Variants in CSTL1 observed in about 807,000 individuals in gnomAD.
The protein encoded by CSTL1 is cystatin like 1, also known as cystatin-like 1.
CSTL1 carries 14 observed loss-of-function variants against 14.4 expected under a neutral mutation model. The observed-to-expected ratio is 0.97, with a 90% CI of 0.64 to 1.52. CSTL1 has a LOEUF of 1.52. Ranked by LOEUF, CSTL1 falls within the 40% of genes most tolerant of loss-of-function variation. The pLI is 0.00. For synonymous variants in CSTL1, 72 were observed against 67.5 expected, an observed-to-expected ratio of 1.07 and a Z score of -0.33; for missense variants, 170 against 168.7, an observed-to-expected ratio of 1.01 and a Z score of -0.04.
At position 23,444,082 on chromosome 20, in the gene CSTL1, T is replaced by C. The variant is rs368644310; in HGVS notation, c.330+38T>C. 2.6e-6 allele frequency: 4 copies of C among 1,563,140 alleles called. No homozygotes were observed. The South Asian group carries it at 3.3e-5, about 13-fold the overall frequency. On this transcript the variant is annotated intron_variant, in intron 3 of 3. Coordinates refer to ENST00000347397, the MANE Select transcript of CSTL1 (RefSeq NM_138283.1). ...AGTCATCCCAAAGGGACTTGTGAAG[T>C]GAATATTTTAAAAAGCAACAGCTAG...
intron 2 of CSTL1, among the ~76,000 whole-genome samples, chr20:23,441,405 C>G (rs117846268): frequency 0.012 from 1,826 of 152,176 alleles, 20 homozygotes; most frequent in Non-Finnish European, 0.016. Flanking sequence ...GTTAGGGAAC[C>G]CCTTTTATTG....
chr20:23,446,502 C>T (rs771408481), downstream of CSTL1, among the ~76,000 whole-genome samples: 3 of 152,072 alleles, frequency 2.0e-5, no homozygotes, highest in East Asian at 1.9e-4. Context: ...GTGATCCACC[C>T]GCCTCCGCCT....
chr20:23,446,647 C>A (rs961867354), downstream of CSTL1, among the ~76,000 whole-genome samples: 3 of 152,212 alleles, frequency 2.0e-5, no homozygotes, highest in African/African-American at 7.2e-5. Context: ...GTTCTGATGG[C>A]TGCTTAAATA....
downstream of CSTL1, among the ~76,000 whole-genome samples, chr20:23,446,922 G>T (rs564095730): frequency 9.9e-5 from 15 of 152,148 alleles, no homozygotes; most frequent in Admixed American, 7.2e-4. Context: ...TGGAGGAAGA[G>T]AGTTAAAGGA....
At chr20:23,444,290 C>T (rs757398072) in intron 3 of CSTL1, among the ~76,000 whole-genome samples, 1 of 152,226 alleles carries the variant, frequency 6.6e-6, no homozygotes, top group African/African-American at 2.4e-5. Flanking sequence ...CCCAGACCCT[C>T]TGCGTGAAAG....
the CSTL1 span, among the ~76,000 whole-genome samples, chr20:23,458,269 T>C: frequency 1.3e-5 from 2 of 152,188 alleles, no homozygotes; most frequent in African/African-American, 4.8e-5. Context: ...TGCCCAAAGT[T>C]CCTGCAGCCA....
downstream of CSTL1, among the ~76,000 whole-genome samples, chr20:23,449,001 G>A (rs1292881971): frequency 6.6e-6 from 1 of 152,190 alleles, no homozygotes. Context: ...CCTGGGCCCC[G>A]CTGAAACAGG....
chr20:23,449,082 A>T (rs543836170), downstream of CSTL1, among the ~76,000 whole-genome samples: 4 of 152,342 alleles, frequency 2.6e-5, no homozygotes, highest in East Asian at 7.7e-4. Context: ...TTTCAAAGCC[A>T]ATCCCATCTT....
At chr20:23,457,210 T>C in the CSTL1 span, among the ~76,000 whole-genome samples, 5 of 152,080 alleles carry the variant, frequency 3.3e-5, no homozygotes, top group South Asian at 8.3e-4. Context: ...CTCTGGACCA[T>C]CTCAACCCAG....
the CSTL1 span, among the ~76,000 whole-genome samples, chr20:23,459,956 A>C: frequency 6.6e-6 from 1 of 152,190 alleles, no homozygotes; most frequent in Non-Finnish European, 1.5e-5. Context: ...TGAGGTCTTC[A>C]ACTGGTTCCC....
Position 23,444,926 on chromosome 20 carries a change from G to C in CSTL1, c.*48G>C, listed in dbSNP as rs750974663. On this transcript the variant is annotated 3_prime_UTR_variant, in exon 4 of 4. Transcript: ENST00000347397. The stretch of plus-strand genomic sequence containing the variant: ...CACTGGCTGTTATTAAACTGTAAAG[G>C]ATCATGTCTCCCTCATTGGGGTCTT... 4.7e-6 allele frequency: 6 copies of C among 1,272,512 alleles called. No individual in the cohort carries two copies. The South Asian group carries it at 7.2e-5, about 15-fold the overall frequency. 78.8% of individuals were successfully genotyped at this position (1,272,512 alleles called of 1,614,324 possible). A position where few individuals can be genotyped will look rare whatever the true frequency, so the allele number is the denominator to read the frequency against.
At chr20:23,456,412 C>T in the CSTL1 span, among the ~76,000 whole-genome samples, 1 of 152,220 alleles carries the variant, frequency 6.6e-6, no homozygotes, top group Admixed American at 6.5e-5. Flanking sequence ...TCTTCCATCT[C>T]ACCAGCCATG....
the CSTL1 span, among the ~76,000 whole-genome samples, chr20:23,451,269 T>A: frequency 1.3e-5 from 2 of 149,510 alleles, no homozygotes; most frequent in Admixed American, 6.6e-5. Flanking sequence ...TGAAGGCCTG[T>A]TGGAGCTGGA....
At chr20:23,446,287 C>T (rs543529874), downstream of CSTL1, among the ~76,000 whole-genome samples, 6 of 151,092 alleles carry the variant, frequency 4.0e-5, no homozygotes, top group Middle Eastern at 3.4e-3. Context: ...GACGAAGTCT[C>T]GCTCTGTCGC....
At chr20:23,457,167 G>A in the CSTL1 span, among the ~76,000 whole-genome samples, 1 of 152,128 alleles carries the variant, frequency 6.6e-6, no homozygotes, top group African/African-American at 2.4e-5. Flanking sequence ...GTGGAGCCCT[G>A]TTGACATCCC....
rs1449651989 is a variant in CSTL1, at chr20:23,440,292, C to G, written c.25C>G (p.Pro9Ala). Reference protein sequence around the residue: MGIGCWRNPLLLLIALVLS... With the variant: MGIGCWRNALLLLIALVLS... ...CATGGGGATCGGATGCTGGAGAAAC[C>G]CCCTGCTGCTGCTGATTGCCCTGGT... Residue 9 changes from proline (P) to alanine (A), a missense_variant, in exon 2 of 4, where the codon CCC becomes GCC. By Grantham distance (27) the Pro-to-Ala change is conservative. Coordinates refer to ENST00000347397, the MANE Select transcript of CSTL1 (RefSeq NM_138283.1). The G allele has an allele frequency of 1.2e-6, 2 of 1,614,094 alleles. No homozygotes were observed. The highest frequency in any genetic ancestry group is 1.7e-5 in the Admixed American group (1 of 60,012).
the CSTL1 span, among the ~76,000 whole-genome samples, chr20:23,460,971 G>A: frequency 1.3e-5 from 2 of 152,120 alleles, no homozygotes; most frequent in African/African-American, 2.4e-5. Context: ...CTTCACCGTG[G>A]CAATGCAAAT....
At chr20:23,452,686 G>A in the CSTL1 span, 1 of 1,614,036 alleles carries the variant, frequency 6.2e-7, no homozygotes, top group Non-Finnish European at 8.5e-7. Context: ...CCTTCGCATA[G>A]TTTTCTACTG....
chr20:23,451,856 T>A, the CSTL1 span: 1 of 1,614,160 alleles, frequency 6.2e-7, no homozygotes, highest in Non-Finnish European at 8.5e-7. Context: ...GTTCGTGGTC[T>A]CTGGCTTTTG....
Sources: allele counts gnomAD v4.1 joint callset (sites outside exome capture counted in the v4.1 genomes callset), GRCh38; gene constraint gnomAD v4.1.1; transcripts MANE v1.5; gene names NCBI Gene and HGNC (gene_info 2026-07-23, HGNC 2026-07-21).